Variants in DMD observed in about 807,000 individuals in gnomAD.
DMD encodes dystrophin.
A neutral mutation model predicts 330.1 loss-of-function variants in DMD; 63 were observed. The ratio of observed to expected loss-of-function variants is 0.19; its 90% CI spans 0.16 to 0.24. The LOEUF (loss-of-function observed/expected upper bound fraction) is 0.24. Among genes scored for constraint, DMD ranks in the 10% least tolerant of loss-of-function variants. The pLI is 1.00. For synonymous variants in DMD, 1,223 were observed against 959.8 expected (o/e 1.27, Z -5.07); for missense variants, 3,344 against 2,684.1 (o/e 1.25, Z -5.43).
In DMD at chrX:31,576,759, G is replaced by GTTTTTTTTTTTTTTTTTTTT. The variant is rs201477815; in HGVS notation, c.8217+50913_8217+50914insAAAAAAAAAAAAAAAAAAAA. Among the ~76,000 whole-genome samples, 166 of 103,631 alleles carry GTTTTTTTTTTTTTTTTTTTT rather than the reference G, an allele frequency of 1.6e-3. 1 individual carries two copies. The highest frequency in any genetic ancestry group is 2.8e-3 in the East Asian group (9 of 3,265). The allele number at this position is 103,631 out of a possible 115,157, so 90.0% of individuals were successfully genotyped here. On this transcript the variant is annotated intron_variant, in intron 55 of 78. Coordinates refer to ENST00000357033, the MANE Select transcript of DMD (RefSeq NM_004006.3). ...TTTTCAAGTAAAAATATATGAGGTT[G>GTTTTTTTTTTTTTTTTTTTT]TTTTTTTTTGACAGAGTCTCACTCT...
At chrX:32,493,740 T>G (rs1324101744) in intron 19 of DMD, among the ~76,000 whole-genome samples, 1 of 111,737 alleles carries the variant, frequency 8.9e-6, no homozygotes, top group Non-Finnish European at 1.9e-5. Flanking sequence ...AATTAGAAAA[T>G]ATACTGGACA....
intron 2 of DMD, among the ~76,000 whole-genome samples, chrX:32,946,447 G>A (rs2090815621): frequency 9.0e-6 from 1 of 111,471 alleles, no homozygotes; most frequent in East Asian, 2.8e-4. Flanking sequence ...CTAACATCCT[G>A]TTGTCTACTC....
At chrX:32,827,118 A>G (rs1301810533) in intron 4 of DMD, among the ~76,000 whole-genome samples, 1 of 101,727 alleles carries the variant, frequency 9.8e-6, no homozygotes, top group African/African-American at 3.7e-5. Context: ...ATAAATGTTC[A>G]TGGTTTTTTT....
At chrX:32,098,267 T>C in intron 44 of DMD, among the ~76,000 whole-genome samples, 1 of 111,809 alleles carries the variant, frequency 8.9e-6, no homozygotes, top group East Asian at 2.8e-4. Flanking sequence ...AGTACCATTT[T>C]AGAGAAACAA....
intron 1 of DMD, among the ~76,000 whole-genome samples, chrX:33,178,718 T>C (rs2049808314): frequency 8.9e-6 from 1 of 112,647 alleles, no homozygotes; most frequent in Admixed American, 9.4e-5. Context: ...AAAATTAAAT[T>C]GGACTGCTCT....
At chrX:31,959,064 C>A (rs1247448113) in intron 45 of DMD, among the ~76,000 whole-genome samples, 2 of 111,480 alleles carry the variant, frequency 1.8e-5, no homozygotes, top group Non-Finnish European at 3.8e-5. Flanking sequence ...TACTTAACGA[C>A]TAAATTGTTC....
intron 44 of DMD, among the ~76,000 whole-genome samples, chrX:32,056,390 T>TA (rs34726053): frequency 0.066 from 3,122 of 47,457 alleles, 84 homozygotes; most frequent in African/African-American, 0.076. Context: ...GTAGATTAAG[T>TA]AAAAAAAAAA....
chrX:31,725,835 A>G (rs1335855622), intron 52 of DMD, among the ~76,000 whole-genome samples: 2 of 112,696 alleles, frequency 1.8e-5, no homozygotes, highest in Non-Finnish European at 3.7e-5. Context: ...AATAAACAGA[A>G]TGATAAAAGG....
intron 16 of DMD, 124 bp downstream of exon 16, chrX:32,565,578 T>C: frequency 5.9e-6 from 4 of 674,115 alleles, no homozygotes; most frequent in Non-Finnish European, 9.1e-6. Context: ...ATGTTTTTAT[T>C]TAACTAAACA....
At chrX:31,817,547 T>A (rs1235680529) in intron 50 of DMD, among the ~76,000 whole-genome samples, 2 of 111,312 alleles carry the variant, frequency 1.8e-5, no homozygotes, top group South Asian at 3.8e-4. Context: ...CTAAAGAGGA[T>A]GAAAAGCACC....
chrX:31,943,113 T>C (rs1455639743), intron 45 of DMD, among the ~76,000 whole-genome samples: 1 of 112,603 alleles, frequency 8.9e-6, no homozygotes, highest in Non-Finnish European at 1.9e-5. Flanking sequence ...CTATGGTTAC[T>C]TTCATGCTAC....
chrX:31,798,018 T>C (rs1170568062), intron 50 of DMD, among the ~76,000 whole-genome samples: 1 of 112,158 alleles, frequency 8.9e-6, no homozygotes, highest in Non-Finnish European at 1.9e-5. Flanking sequence ...ACAATATTTT[T>C]GCTTTTCTTT....
At chrX:31,455,638 G>A (rs919555674) in intron 59 of DMD, among the ~76,000 whole-genome samples, 1 of 112,054 alleles carries the variant, frequency 8.9e-6, no homozygotes, top group African/African-American at 3.2e-5. Context: ...TCTATCACTT[G>A]ATTTATATTG....
At chrX:33,202,792 A>T (rs1022072674) in intron 1 of DMD, among the ~76,000 whole-genome samples, 1 of 111,996 alleles carries the variant, frequency 8.9e-6, no homozygotes, top group Non-Finnish European at 1.9e-5. Flanking sequence ...GATATTTTAT[A>T]GTAGTTGTAC....
intron 1 of DMD, among the ~76,000 whole-genome samples, chrX:33,203,009 A>G (rs145743122): frequency 0.012 from 1,284 of 111,581 alleles, 16 homozygotes; most frequent in African/African-American, 0.039. Context: ...ATCCATGATT[A>G]GATTGAATTA....
chrX:31,796,668 G>A (rs2091846535), intron 50 of DMD, among the ~76,000 whole-genome samples: 1 of 111,676 alleles, frequency 9.0e-6, no homozygotes, highest in South Asian at 3.7e-4. Context: ...TTAAGATAAT[G>A]CTATAGTTCA....
intron 18 of DMD, among the ~76,000 whole-genome samples, chrX:32,509,264 C>G (rs1220308415): frequency 9.2e-6 from 1 of 109,110 alleles, no homozygotes; most frequent in Non-Finnish European, 1.9e-5. Context: ...TCTGGCCACC[C>G]ATACGTTCGT....
intron 67 of DMD, among the ~76,000 whole-genome samples, chrX:31,202,923 T>C (rs1174854563): frequency 8.9e-6 from 1 of 112,474 alleles, no homozygotes; most frequent in Non-Finnish European, 1.9e-5. Context: ...GAATTGATCC[T>C]ATAAAGAAAG....
intron 55 of DMD, among the ~76,000 whole-genome samples, chrX:31,550,952 G>A (rs2074440254): frequency 8.9e-6 from 1 of 111,815 alleles, no homozygotes; most frequent in Admixed American, 9.4e-5. Flanking sequence ...AGGCCAAGGC[G>A]GGCGGATCAC....
Sources: gnomAD v4.1 joint callset for allele counts (sites outside exome capture counted in the v4.1 genomes callset) on GRCh38, gnomAD v4.1.1 for gene constraint, MANE v1.5 for transcripts, NCBI Gene and HGNC (gene_info 2026-07-23, HGNC 2026-07-21) for gene names.